ADAM12: variants seen among roughly 807,000 people sequenced by gnomAD.
ADAM12 encodes ADAM metallopeptidase domain 12.
A neutral mutation model predicts 106.4 loss-of-function variants in ADAM12; 70 were observed. That is an observed-to-expected ratio of 0.66 (90% confidence interval 0.54 to 0.80). The LOEUF (loss-of-function observed/expected upper bound fraction) is 0.80, where lower values mean the gene tolerates loss of function less well. ADAM12 is among the 30% of genes least tolerant of loss of function. ADAM12 has a pLI of 0.00. For synonymous variants in ADAM12, 420 were observed against 433.5 expected, an observed-to-expected ratio of 0.97 and a Z score of 0.39; for missense variants, 1,010 against 1,171.9, an observed-to-expected ratio of 0.86 and a Z score of 2.02.
intron 3 of ADAM12, among the ~76,000 whole-genome samples, chr10:126,241,183 C>A (rs1958516499): frequency 6.6e-6 from 1 of 152,018 alleles, no homozygotes; most frequent in African/African-American, 2.4e-5. Context: ...TCCATAGAGA[C>A]CTAAAGGTGA....
At chr10:126,083,867 G>A (rs537189484) in intron 11 of ADAM12, among the ~76,000 whole-genome samples, 1 of 152,322 alleles carries the variant, frequency 6.6e-6, no homozygotes, top group South Asian at 2.1e-4. Context: ...GAACAGAACC[G>A]AGGCTGAAGC....
chr10:126,043,187 A>G lies in ADAM12; in HGVS notation c.1996-39T>C, dbSNP rs781589058. 3 of 1,587,468 alleles carry G rather than the reference A, an allele frequency of 1.9e-6. No homozygotes were observed. The highest frequency in any genetic ancestry group is 3.4e-5 in the Admixed American group (2 of 59,030). ...GGGGAGGGACGTGGGGTTAGGGCAT[A>G]TGCTCTGTGCATCACCACAGCAGAA... On this transcript the variant is annotated intron_variant, in intron 17 of 22. Coordinates refer to ENST00000448723, the MANE Select transcript of ADAM12 (RefSeq NM_001288973.2). This position sits in a 1 kb window ranked among gnomAD's most constrained non-coding sequence, Gnocchi z 4.1.
At chr10:126,158,901 G>C (rs1324756253) in intron 3 of ADAM12, among the ~76,000 whole-genome samples, 1 of 151,534 alleles carries the variant, frequency 6.6e-6, no homozygotes, top group Admixed American at 6.6e-5. Context: ...GAGCATGGTG[G>C]GGAGGATGCA....
intron 4 of ADAM12, among the ~76,000 whole-genome samples, chr10:126,138,655 C>T (rs545261323): frequency 2.6e-4 from 39 of 152,288 alleles, no homozygotes; most frequent in East Asian, 9.6e-4. Context: ...GGATTACAGG[C>T]GTGAGCCATC....
chr10:126,326,877 G>C (rs547498524), intron 2 of ADAM12, among the ~76,000 whole-genome samples: 1 of 152,266 alleles, frequency 6.6e-6, no homozygotes, highest in South Asian at 2.1e-4. Context: ...CCTCCACAGA[G>C]AGGCCTTTCC....
At chr10:126,185,683 G>T (rs935680031) in intron 3 of ADAM12, among the ~76,000 whole-genome samples, 1 of 151,924 alleles carries the variant, frequency 6.6e-6, no homozygotes, top group African/African-American at 2.4e-5. Flanking sequence ...CCACCCATGG[G>T]GAGCAATTAG....
At position 126,225,839 on chromosome 10, in the gene ADAM12, C is replaced by T. The variant is rs138732951; in HGVS notation, c.260+53076G>A. ...CAACTGGGAATTCCTGCAGTCACAA[C>T]GCAACCCTTACAACGATGTTACGAC... On this transcript the variant is annotated intron_variant, in intron 3 of 22. Coordinates refer to ENST00000448723, the MANE Select transcript of ADAM12 (RefSeq NM_001288973.2). Among the ~76,000 whole-genome samples, 370 of 152,286 alleles carry T rather than the reference C, an allele frequency of 2.4e-3. 1 individual carries two copies. Among genetic ancestry groups the T allele is most frequent in the Non-Finnish European group, 3.7e-3 (250 of 68,038 alleles).
chr10:126,168,522 TA>T (rs750053846), intron 3 of ADAM12, among the ~76,000 whole-genome samples: 6 of 152,172 alleles, frequency 3.9e-5, no homozygotes, highest in Non-Finnish European at 8.8e-5. Context: ...TTATTATTAT[TA>T]ATAAGTCCGC....
intron 12 of ADAM12, 124 bp downstream of exon 12, chr10:126,071,353 T>C (rs573700126): frequency 2.1e-5 from 25 of 1,209,426 alleles, no homozygotes; most frequent in Non-Finnish European, 2.9e-5. Flanking sequence ...GATGGGCAGA[T>C]AGGACTCTTC....
intron 1 of ADAM12, among the ~76,000 whole-genome samples, chr10:126,348,860 C>T (rs1033851965): frequency 6.6e-6 from 1 of 152,008 alleles, no homozygotes; most frequent in East Asian, 1.9e-4. Flanking sequence ...TAAATATGTC[C>T]CATGCAATAC....
chr10:126,067,827 A>T (rs1954903820), intron 12 of ADAM12, among the ~76,000 whole-genome samples: 1 of 152,222 alleles, frequency 6.6e-6, no homozygotes, highest in African/African-American at 2.4e-5. Flanking sequence ...AGCTAATCAC[A>T]TACTAGTTTA....
At chr10:126,330,242 A>G (rs1854460613) in intron 2 of ADAM12, among the ~76,000 whole-genome samples, 170 bp downstream of exon 2, 1 of 152,240 alleles carries the variant, frequency 6.6e-6, no homozygotes, top group South Asian at 2.1e-4. Context: ...GCACTGTCAC[A>G]TCAAAATTGG....
chr10:126,027,537 G>A (rs914559481), intron 21 of ADAM12, among the ~76,000 whole-genome samples: 4 of 152,226 alleles, frequency 2.6e-5, no homozygotes, highest in East Asian at 1.9e-4. Context: ...AGTAGGCTTC[G>A]TCCCAAGATG....
intron 21 of ADAM12, among the ~76,000 whole-genome samples, chr10:126,022,195 TTA>T (rs1415404273): frequency 6.6e-6 from 1 of 152,162 alleles, no homozygotes; most frequent in East Asian, 1.9e-4. Context: ...CGTTCCCAAT[TTA>T]TGTTTATCGT....
intron 11 of ADAM12, among the ~76,000 whole-genome samples, chr10:126,075,153 T>C (rs1304515847): frequency 6.6e-6 from 1 of 152,246 alleles, no homozygotes; most frequent in East Asian, 1.9e-4. Context: ...CCTCGTTTAT[T>C]GTTCAAGAAC....
intron 3 of ADAM12, among the ~76,000 whole-genome samples, chr10:126,182,931 A>G (rs553577548): frequency 6.6e-6 from 1 of 152,344 alleles, no homozygotes; most frequent in African/African-American, 2.4e-5. Flanking sequence ...GCCTGTTAGG[A>G]ACTGGGCCAC....
intron 4 of ADAM12, among the ~76,000 whole-genome samples, chr10:126,151,026 T>C (rs1309403739): frequency 6.6e-6 from 1 of 152,190 alleles, no homozygotes; most frequent in African/African-American, 2.4e-5. Flanking sequence ...TTAAAACATG[T>C]TTTTTAAATG....
chr10:126,102,819 G>A (rs74845133), intron 8 of ADAM12, among the ~76,000 whole-genome samples: 4,080 of 152,304 alleles, frequency 0.027, 133 homozygotes, highest in East Asian at 0.084. Flanking sequence ...CGGGGCGAAA[G>A]TAAGTTCCTG....
chr10:126,171,633 C>T (rs1957122799), intron 3 of ADAM12, among the ~76,000 whole-genome samples: 1 of 152,194 alleles, frequency 6.6e-6, no homozygotes. Context: ...AACCAGATAC[C>T]TACTCAATGC....
Sources: gnomAD v4.1 joint callset for allele counts (sites outside exome capture counted in the v4.1 genomes callset) on GRCh38, gnomAD v4.1.1 for gene constraint, Gnocchi (gnomAD v3.1) non-coding constraint, MANE v1.5 for transcripts, NCBI Gene and HGNC (gene_info 2026-07-23, HGNC 2026-07-21) for gene names.